Variants in BICRA observed in about 807,000 individuals in gnomAD.
BICRA encodes BRD4 interacting chromatin remodeling complex associated protein, also known as BRD4-interacting chromatin-remodeling complex-associated protein.
BICRA carries 31 observed loss-of-function variants against 96.9 expected under a neutral mutation model. The observed-to-expected ratio is 0.32, with a 90% CI of 0.24 to 0.43. The LOEUF (loss-of-function observed/expected upper bound fraction) is 0.43, where lower values mean the gene tolerates loss of function less well. Among genes scored for constraint, BICRA ranks in the 20% least tolerant of loss-of-function variants. The pLI, the probability that BICRA is intolerant of heterozygous loss-of-function variation, is 1.00. For missense variants in BICRA, 2,283 were observed against 2,190.3 expected (o/e 1.04, Z -0.84); for synonymous variants, 1,350 against 1,071.8 (o/e 1.26, Z -5.07).
At chr19:47,681,399 C>G in intron 6 of BICRA, 123 bp downstream of exon 6, 1 of 878,436 alleles carries the variant, frequency 1.1e-6, no homozygotes, top group South Asian at 1.6e-5. Context: ...GGGGGAAGGT[C>G]TCAGTCATGG....
rs550820326 is a variant in BICRA, at chr19:47,694,597, C to T, written c.2766C>T (p.Pro922=). The T allele has an allele frequency of 3.7e-5, 57 of 1,555,290 alleles. No homozygotes were observed. The African/African-American group carries it at 6.8e-4, about 19-fold the overall frequency. ...AGGGGCCCCACAAGTCCCCCACTCC[C>T]CCTCCAACCCTCCACCTGGTCCCTG... ...PSQGPHKSPT[P]PPTLHLVPEP... is the part of the protein sequence containing the mutation. The change falls in exon 8 of 15, where the codon CCC becomes CCT. Residue 922 remains proline (P), a synonymous_variant. Coordinates refer to ENST00000594866, the MANE Select transcript of BICRA (RefSeq NM_001394372.1).
Position 47,695,418 on chromosome 19 carries a change from A to T in BICRA, c.3130A>T (p.Thr1044Ser). Residue 1044 changes from threonine (T) to serine (S), a missense_variant, in exon 10 of 15, where the codon ACC (threonine) becomes TCC (serine). Physicochemically the swap from Thr to Ser is moderately conservative, Grantham distance 58 (BLOSUM62 1). Transcript: ENST00000594866. ...CAAGGCTTTTGCCAGCAACCTCCCG[A>T]CCCTGAATGTGGCCAAGGCCGCTTC... Reference protein sequence around the residue: ...ENKAFASNLPTLNVAKAASSG... With the variant: ...ENKAFASNLPSLNVAKAASSG... 1.3e-6 allele frequency: 2 copies of T among 1,523,834 alleles called. No homozygotes were observed. Among genetic ancestry groups the T allele is most frequent in the Non-Finnish European group, 1.8e-6 (2 of 1,129,178 alleles). 94.4% of individuals were successfully genotyped at this position (1,523,834 alleles called of 1,614,324 possible).
chr19:47,655,145 C>T (rs1297695783), intron 1 of BICRA, among the ~76,000 whole-genome samples: 1 of 152,194 alleles, frequency 6.6e-6, no homozygotes, highest in Non-Finnish European at 1.5e-5. Flanking sequence ...CTTTCTTATT[C>T]TCTTACTATA....
At chr19:47,652,677 A>AT (rs1424236287) in intron 1 of BICRA, among the ~76,000 whole-genome samples, 1 of 151,914 alleles carries the variant, frequency 6.6e-6, no homozygotes, top group African/African-American at 2.4e-5. Context: ...ATACTCTCTT[A>AT]TTTTTTTCAA....
In BICRA at chr19:47,680,322, G is replaced by A. The variant is rs749349901; in HGVS notation, c.1152G>A (p.Pro384=). ...CCACGCTCACCATCCAGGGCGAGCCGGGGGCGCTCCCGCAGCAGCCCAAGG... is the reference window on the plus strand; with the variant it reads ...CCACGCTCACCATCCAGGGCGAGCCAGGGGCGCTCCCGCAGCAGCCCAAGG... ...AGATLTIQGE[P]GALPQQPKAP... Residue 384 remains proline (P), a synonymous_variant, in exon 6 of 15, where the codon CCG becomes CCA. Transcript: ENST00000594866. 2.2e-5 allele frequency: 34 copies of A among 1,540,526 alleles called. No individual in the cohort carries two copies. In the South Asian group the frequency reaches 3.6e-4, roughly 16 times the overall value.
chr19:47,639,523 G>A (rs1199619942), intron 1 of BICRA, among the ~76,000 whole-genome samples: 1 of 150,958 alleles, frequency 6.6e-6, no homozygotes, highest in Admixed American at 6.6e-5. Flanking sequence ...TAGAGACGGG[G>A]TTTCACCGTG....
rs150704505 is a variant in BICRA, at chr19:47,673,814, G to A, written c.84+52G>A. Reference sequence around the variant, plus strand: ...TCCCTGAGTGGGGGGCTGTCTAATTGGGAGTGAGGGACAGGGAGAGACATG... The same window carrying A: ...TCCCTGAGTGGGGGGCTGTCTAATTAGGAGTGAGGGACAGGGAGAGACATG... On this transcript the variant is annotated intron_variant, in intron 4 of 14. Coordinates refer to ENST00000594866, the MANE Select transcript of BICRA (RefSeq NM_001394372.1). The A allele has an allele frequency of 8.2e-4, 1,174 of 1,438,546 alleles. 10 individuals are homozygous for A. The African/African-American group carries it at 0.015, about 18-fold the overall frequency. 89.1% of individuals were successfully genotyped at this position (1,438,546 alleles called of 1,614,324 possible).
chr19:47,651,339 C>A (rs2067950739), intron 1 of BICRA, among the ~76,000 whole-genome samples: 1 of 152,096 alleles, frequency 6.6e-6, no homozygotes, highest in African/African-American at 2.4e-5. Context: ...CCCTGAGGCG[C>A]CCACGTGATT....
intron 7 of BICRA, among the ~76,000 whole-genome samples, chr19:47,684,905 C>T (rs956538429): frequency 6.6e-6 from 1 of 152,194 alleles, no homozygotes; most frequent in Non-Finnish European, 1.5e-5. Context: ...GACATGATGG[C>T]ACTGCACAGA....
rs2123609898 is a variant in BICRA at position 47,696,526 on chromosome 19, C to CCAT, written c.3248+16_3248+18dup. On this transcript the variant is annotated intron_variant, in intron 11 of 14. Transcript: ENST00000594866. ...CAAGGAAGCCTGGTGAGTCCACACC[C>CCAT]CATCCTTGCATGCCTGCCCTGTACC... is the stretch of plus-strand genomic sequence containing the variant. The CCAT allele has an allele frequency of 6.3e-7, 1 of 1,593,360 alleles. No homozygotes were observed. Among genetic ancestry groups the CCAT allele is most frequent in the East Asian group, 2.3e-5 (1 of 43,784 alleles).
Position 47,682,087 on chromosome 19 carries a change from G to A in BICRA, c.2218G>A (p.Ala740Thr), listed in dbSNP as rs764794489. 14 of 1,505,996 alleles carry A rather than the reference G, an allele frequency of 9.3e-6. No homozygotes were observed. In the South Asian group the frequency reaches 1.1e-4, roughly 12 times the overall value. 93.3% of individuals were successfully genotyped at this position (1,505,996 alleles called of 1,614,324 possible). A position where few individuals can be genotyped will look rare whatever the true frequency, so the allele number is the denominator to read the frequency against. Residue 740 changes from alanine to threonine, a missense_variant, in exon 7 of 15, where the codon GCC becomes ACC. Ala to Thr is a moderately conservative substitution (Grantham distance 58). Transcript: ENST00000594866. Reference protein sequence around the residue: ...AQDPAPATPVAKGAGLGPQAP... With the variant: ...AQDPAPATPVTKGAGLGPQAP... The stretch of plus-strand genomic sequence containing the variant: ...AGACCCAGCCCCAGCCACCCCCGTC[G>A]CCAAAGGAGCTGGCCTCGGCCCTCA...
intron 1 of BICRA, among the ~76,000 whole-genome samples, chr19:47,654,929 G>C (rs535844561): frequency 2.0e-5 from 3 of 152,238 alleles, no homozygotes; most frequent in African/African-American, 7.2e-5. Context: ...CTTGATCTTA[G>C]TGGGTATTGT....
chr19:47,654,713 G>A (rs1972588650), intron 1 of BICRA, among the ~76,000 whole-genome samples: 2 of 152,014 alleles, frequency 1.3e-5, no homozygotes, highest in Non-Finnish European at 1.5e-5. Flanking sequence ...AGCACTTTGG[G>A]AGGCTGAGGT....
At chr19:47,670,648 C>T (rs1906019086) in intron 2 of BICRA, 104 bp downstream of exon 2, 1 of 152,314 alleles carries the variant, frequency 6.6e-6, no homozygotes, top group Admixed American at 6.5e-5. Context: ...GCATTCCTTC[C>T]TGGAAGAGCC....
In BICRA at chr19:47,612,442, T is replaced by C. The variant is rs80355540; in HGVS notation, c.-108+3274T>C. 3.2e-3 allele frequency among the ~76,000 whole-genome samples: 486 copies of C among 151,120 alleles called. 19 individuals carry two copies. The East Asian group carries it at 0.087, about 27-fold the overall frequency. The stretch of plus-strand genomic sequence containing the variant: ...AAAAAAAAATAAATAAAATAAAAAA[T>C]GTAAAGGTGAGTGGCAGAATACCTT... On this transcript the variant is annotated intron_variant, in intron 1 of 14. Transcript: ENST00000594866.
At chr19:47,610,152 G>A (rs1338277930) in intron 1 of BICRA, among the ~76,000 whole-genome samples, 1 of 152,246 alleles carries the variant, frequency 6.6e-6, no homozygotes, top group African/African-American at 2.4e-5. Flanking sequence ...GCCTCCCCGG[G>A]CCCCTGCGGA....
intron 7 of BICRA, among the ~76,000 whole-genome samples, chr19:47,693,483 G>A (rs1973271824): frequency 6.6e-6 from 1 of 152,204 alleles, no homozygotes; most frequent in Non-Finnish European, 1.5e-5. Flanking sequence ...GCCTTCCCAT[G>A]CCCGCATCCA....
chr19:47,677,283 A>G (rs1251182271), intron 5 of BICRA, among the ~76,000 whole-genome samples: 1 of 152,184 alleles, frequency 6.6e-6, no homozygotes, highest in African/African-American at 2.4e-5. Flanking sequence ...TCTGGTCAGT[A>G]TTGGTGGAGA....
At chr19:47,657,917 A>ATT (rs1972644808) in intron 1 of BICRA, among the ~76,000 whole-genome samples, 2 of 149,220 alleles carry the variant, frequency 1.3e-5, no homozygotes, top group African/African-American at 2.5e-5. Context: ...TCCCTCTTAT[A>ATT]CTCTCTCTCT....
Sources: allele counts gnomAD v4.1 joint callset (sites outside exome capture counted in the v4.1 genomes callset), GRCh38; gene constraint gnomAD v4.1.1; transcripts MANE v1.5; gene names NCBI Gene and HGNC (gene_info 2026-07-23, HGNC 2026-07-21).